TUT4: variants seen among roughly 807,000 people sequenced by gnomAD.
TUT4 encodes the protein terminal uridylyl transferase 4.
In TUT4, 36 loss-of-function variants were observed where a neutral mutation model predicts 192.2. That is an observed-to-expected ratio of 0.19 (90% CI 0.14 to 0.25). TUT4 has a LOEUF of 0.25. Among genes scored for constraint, TUT4 ranks in the 10% least tolerant of loss-of-function variants. The pLI is 1.00. For missense variants in TUT4, 1,493 were observed against 1,957.2 expected (o/e 0.76, Z 4.47); for synonymous variants, 618 against 666.0 (o/e 0.93, Z 1.11).
Position 52,436,842 on chromosome 1 carries a change from T to C in TUT4, c.4075A>G (p.Arg1359Gly). Residue 1359 changes from arginine (R) to glycine (G), a missense_variant, in exon 26 of 30, where the codon AGA (arginine) becomes GGA (glycine). By Grantham distance (125) the Arg-to-Gly change is moderately radical. This residue lies in a region of TUT4 where 351 missense variants were observed against 397.8 expected (regional missense o/e 0.88). Coordinates refer to ENST00000257177, the MANE Select transcript of TUT4 (RefSeq NM_001009881.3). ...CCAGCATCTCCACATATAAAACATC[T>C]GAGGTCTCTCGGGTCTCTAAAGTCT... ...TRDFRDPRDL[R>G]CFICGDAGHV... 7.4e-6 allele frequency: 12 copies of C among 1,613,928 alleles called. No homozygotes were observed. The highest frequency in any genetic ancestry group is 1.0e-5 in the Non-Finnish European group (12 of 1,180,012).
Position 52,461,540 on chromosome 1 carries a change from T to A in TUT4, c.3204A>T (p.Glu1068Asp), listed in dbSNP as rs1662568635. The stretch of plus-strand genomic sequence containing the variant: ...ACGTATTATATAAACTGATATCGCC[T>A]TCTAACCCACTTCGCCTGTGTTCAA... ...VKFEHRRSGL[E>D]GDISLYNTLA... Residue 1068 changes from glutamate (E) to aspartate (D), a missense_variant, in exon 18 of 30, where the codon GAA (glutamate) becomes GAT (aspartate). This residue lies in a region of TUT4 where 141 missense variants were observed against 382.7 expected (regional missense o/e 0.37). Coordinates refer to ENST00000257177, the MANE Select transcript of TUT4 (RefSeq NM_001009881.3). The A allele has an allele frequency of 6.2e-7, 1 of 1,613,186 alleles. No homozygotes were observed. Among genetic ancestry groups the A allele is most frequent in the African/African-American group, 1.3e-5 (1 of 74,912 alleles).
At chr1:52,532,865 A>G (rs1683873848) in intron 1 of TUT4, among the ~76,000 whole-genome samples, 1 of 152,116 alleles carries the variant, frequency 6.6e-6, no homozygotes. Flanking sequence ...ACATTTCACA[A>G]ACTTCTCTGC....
chr1:52,552,793 G>A (rs1689815355), intron 1 of TUT4, 138 bp downstream of exon 1: 1 of 152,322 alleles, frequency 6.6e-6, no homozygotes, highest in Non-Finnish European at 1.5e-5. Context: ...GCCCCCAGGG[G>A]GCGGCTGAGA....
chr1:52,529,806 GA>G (rs1348794506), intron 1 of TUT4: 3 of 152,188 alleles, frequency 2.0e-5, no homozygotes, highest in Non-Finnish European at 4.4e-5. Context: ...CCCAGGCTCA[GA>G]AAATTGACAG....
intron 11 of TUT4, among the ~76,000 whole-genome samples, chr1:52,480,067 C>T (rs1668122068): frequency 6.8e-6 from 1 of 147,510 alleles, no homozygotes; most frequent in East Asian, 2.0e-4. Flanking sequence ...GTTGGTTATA[C>T]AATTATGGTG....
intron 15 of TUT4, among the ~76,000 whole-genome samples, chr1:52,467,054 A>G (rs1002365150): frequency 1.3e-5 from 2 of 152,112 alleles, no homozygotes; most frequent in African/African-American, 4.8e-5. Context: ...CTAAGGCAGG[A>G]GGATTGCTTG....
At chr1:52,448,711 A>T (rs1658383502) in intron 20 of TUT4, among the ~76,000 whole-genome samples, 1 of 151,964 alleles carries the variant, frequency 6.6e-6, no homozygotes, top group South Asian at 2.1e-4. Flanking sequence ...GTAATATTTT[A>T]TCCTTAAAGA....
At chr1:52,495,396 G>A (rs1239069968) in intron 6 of TUT4, 31 bp downstream of exon 6, 1 of 1,397,418 alleles carries the variant, frequency 7.2e-7, no homozygotes, top group Non-Finnish European at 1.0e-6. Context: ...TACTAGTTAA[G>A]AACCACACAG....
chr1:52,533,792 C>T (rs1481838483), intron 1 of TUT4, among the ~76,000 whole-genome samples: 2 of 152,012 alleles, frequency 1.3e-5, no homozygotes, highest in East Asian at 1.9e-4. Context: ...GGCGAAATCT[C>T]GTCTCTATTA....
chr1:52,430,827 A>C (rs531881810), intron 28 of TUT4, among the ~76,000 whole-genome samples, 186 bp downstream of exon 28: 1 of 152,356 alleles, frequency 6.6e-6, no homozygotes, highest in South Asian at 2.1e-4. Flanking sequence ...GCTACATAAT[A>C]AATGGCAGGG....
intron 1 of TUT4, among the ~76,000 whole-genome samples, chr1:52,545,355 T>TAAAAAAAA: frequency 6.8e-6 from 1 of 147,330 alleles, no homozygotes; most frequent in African/African-American, 2.5e-5. Flanking sequence ...ACAGTCTGGG[T>TAAAAAAAA]GACAGAGAGT....
At chr1:52,518,120 G>A (rs1394523028) in intron 2 of TUT4, among the ~76,000 whole-genome samples, 1 of 152,146 alleles carries the variant, frequency 6.6e-6, no homozygotes, top group Non-Finnish European at 1.5e-5. Context: ...TTGAAAACCT[G>A]TATCCACACA....
chr1:52,498,983 G>C (rs1673362837), intron 4 of TUT4, among the ~76,000 whole-genome samples: 1 of 104,280 alleles, frequency 9.6e-6, no homozygotes, highest in African/African-American at 3.7e-5. Context: ...GAAATATAAA[G>C]ATCAATCCTA....
intron 1 of TUT4, among the ~76,000 whole-genome samples, chr1:52,542,437 C>T (rs1282937548): frequency 4.6e-5 from 7 of 152,156 alleles, no homozygotes; most frequent in East Asian, 3.8e-4. Context: ...TTGTACACCA[C>T]GATCAAATGG....
At chr1:52,483,711 G>A (rs961993664) in intron 9 of TUT4, among the ~76,000 whole-genome samples, 3 of 152,144 alleles carry the variant, frequency 2.0e-5, no homozygotes, top group African/African-American at 7.2e-5. Flanking sequence ...TCGGGAGGCT[G>A]AGACAGGAGA....
intron 27 of TUT4, chr1:52,435,105 A>T (rs886241175): frequency 6.0e-5 from 15 of 251,154 alleles, no homozygotes; most frequent in Admixed American, 5.3e-5. Flanking sequence ...CTTATTTTTA[A>T]TCCATCTTAT....
chr1:52,447,901 G>A (rs1658067910), intron 20 of TUT4, among the ~76,000 whole-genome samples: 1 of 152,200 alleles, frequency 6.6e-6, no homozygotes, highest in Non-Finnish European at 1.5e-5. Flanking sequence ...TGACTAATGG[G>A]TCCCAGAATA....
At position 52,525,641 on chromosome 1, in the gene TUT4, T is replaced by G. The variant is rs202159098; in HGVS notation, c.640A>C (p.Lys214Gln). Residue 214 changes from lysine (K) to glutamine (Q), a missense_variant, in exon 2 of 30, where the codon AAG becomes CAG. By Grantham distance (53) the Lys-to-Gln change is moderately conservative (BLOSUM62 1). This residue lies in a region of TUT4 where 260 missense variants were observed against 247.8 expected (regional missense o/e 1.05). Transcript: ENST00000257177. Reference protein sequence around the residue: ...CALQNSPRSQKQQTCTDNTGD... With the variant: ...CALQNSPRSQQQQTCTDNTGD... ...GTATTATCTGTACATGTCTGTTGCT[T>G]CTGAGATCGTGGTGAGTTTTGCAGA... is the stretch of plus-strand genomic sequence containing the variant. The G allele has an allele frequency of 1.2e-6, 2 of 1,614,202 alleles. No individual in the cohort carries two copies. Among genetic ancestry groups the G allele is most frequent in the East Asian group, 4.5e-5 (2 of 44,878 alleles).
chr1:52,450,296 A>G (rs1658978451), intron 20 of TUT4, among the ~76,000 whole-genome samples: 1 of 152,214 alleles, frequency 6.6e-6, no homozygotes. Context: ...GCAATGGACA[A>G]TGAGGTCCCA....
Sources: gnomAD v4.1 joint callset for allele counts (sites outside exome capture counted in the v4.1 genomes callset) on GRCh38, gnomAD v4.1.1 for gene constraint, gnomAD v4.1.1 regional missense constraint, MANE v1.5 for transcripts, NCBI Gene and HGNC (gene_info 2026-07-23, HGNC 2026-07-21) for gene names.